Variants in MTAP observed in about 807,000 individuals in gnomAD.
The protein encoded by MTAP is methylthioadenosine phosphorylase.
A neutral mutation model predicts 33.6 loss-of-function variants in MTAP; 33 were observed. The ratio of observed to expected loss-of-function variants is 0.98; its 90% CI spans 0.74 to 1.31. The LOEUF (loss-of-function observed/expected upper bound fraction) is 1.31, where lower values mean the gene tolerates loss of function less well. Ranked by LOEUF, MTAP falls within the 40% of genes most tolerant of loss-of-function variation. The probability of loss-of-function intolerance (pLI) is 0.00; values close to 1 mark genes in which losing one functional copy is unlikely to be tolerated. For missense variants in MTAP, 367 were observed against 360.0 expected, an observed-to-expected ratio of 1.02 and a Z score of -0.16; for synonymous variants, 148 against 125.7, an observed-to-expected ratio of 1.18 and a Z score of -1.19.
At chr9:21,932,976 T>A (rs970894059), downstream of MTAP, 27 of 152,338 alleles carry the variant, frequency 1.8e-4, no homozygotes, top group African/African-American at 6.5e-4. Flanking sequence ...AAAAATGCCT[T>A]ATGAAATTAG....
chr9:21,883,570 GAC>G (rs1818052474), intron 1 of MTAP, among the ~76,000 whole-genome samples: 8 of 151,916 alleles, frequency 5.3e-5, no homozygotes, highest in Non-Finnish European at 1.2e-4. Context: ...TTTAATATCA[GAC>G]TTAATACCTA....
At position 21,864,430 on chromosome 9, in the gene MTAP, G is replaced by C. The variant is rs145096878; in HGVS notation, c.*2416G>C. The C allele has an allele frequency of 1.0e-6, 1 of 985,266 alleles. No individual in the cohort carries two copies. Among genetic ancestry groups the C allele is most frequent in the Non-Finnish European group, 1.2e-6 (1 of 829,940 alleles). The allele number at this position is 985,266 out of a possible 1,614,324, so 61.0% of individuals were successfully genotyped here. ...AGCATTTTGGTTTCCGCAAAGGATG[G>C]ATGGTGAGCATCATGGGAAAGCTGT... On this transcript the variant is annotated 3_prime_UTR_variant, in exon 8 of 8. Transcript: ENST00000644715.
At chr9:21,831,314 A>C (rs190960183) in intron 4 of MTAP, among the ~76,000 whole-genome samples, 1 of 152,100 alleles carries the variant, frequency 6.6e-6, no homozygotes, top group East Asian at 1.9e-4. Flanking sequence ...TCTATAAACT[A>C]TTTGAAAAGA....
intron 4 of MTAP, 100 bp from the exon 5 acceptor site, chr9:21,837,808 C>A: frequency 1.1e-6 from 1 of 877,786 alleles, no homozygotes; most frequent in Non-Finnish European, 1.8e-6. Context: ...AGTAAAGACC[C>A]AAATATTGAC....
rs1420685236 is a variant in MTAP at position 21,854,837 on chromosome 9, A to G, written c.657A>G (p.Thr219=). Residue 219 remains threonine, a synonymous_variant, in exon 6 of 8, where the codon ACA becomes ACG. Coordinates refer to ENST00000644715, the MANE Select transcript of MTAP (RefSeq NM_002451.4). Reference sequence around the variant, plus strand: ...GTTACGCAAGTATCGCCATGGCGACAGATTATGACTGCTGGAAGGAGCACG... The same window carrying G: ...GTTACGCAAGTATCGCCATGGCGACGGATTATGACTGCTGGAAGGAGCACG... ...GICYASIAMA[T]DYDCWKEHEE... The G allele has an allele frequency of 5.0e-6, 8 of 1,614,060 alleles. No homozygotes were observed. Among genetic ancestry groups the G allele is most frequent in the Non-Finnish European group, 6.8e-6 (8 of 1,180,006 alleles).
chr9:21,912,640 A>G (rs1028680433), intron 1 of MTAP, among the ~76,000 whole-genome samples: 13 of 152,224 alleles, frequency 8.5e-5, no homozygotes, highest in Admixed American at 8.5e-4. Context: ...TCTCAAAATA[A>G]TAAGAGCTAT....
intron 4 of MTAP, among the ~76,000 whole-genome samples, chr9:21,825,037 C>T (rs922528656): frequency 2.0e-5 from 3 of 152,164 alleles, no homozygotes; most frequent in Admixed American, 1.3e-4. Context: ...TTCCTTGACC[C>T]CTTACGCTTC....
At chr9:21,816,590 C>A in intron 2 of MTAP, 124 bp from the exon 3 acceptor site, 1 of 742,606 alleles carries the variant, frequency 1.3e-6, no homozygotes, top group Admixed American at 2.6e-5. Context: ...CAGATCTTGC[C>A]TCTTCTCTAA....
intron 5 of MTAP, among the ~76,000 whole-genome samples, chr9:21,839,636 C>A (rs1825194432): frequency 6.6e-6 from 1 of 152,126 alleles, no homozygotes; most frequent in African/African-American, 2.4e-5. Context: ...GCAAAATAAG[C>A]ATTCAGAAAG....
chr9:21,802,909 T>C, intron 1 of MTAP, 128 bp downstream of exon 1: 1 of 1,454,012 alleles, frequency 6.9e-7, no homozygotes, highest in Non-Finnish European at 9.0e-7. Context: ...GGGGAGGGAC[T>C]GGGGCGCGGC....
intron 4 of MTAP, among the ~76,000 whole-genome samples, chr9:21,825,713 C>G (rs1004823817): frequency 6.6e-6 from 1 of 152,170 alleles, no homozygotes; most frequent in African/African-American, 2.4e-5. Flanking sequence ...TGTTGATATA[C>G]AGCCATTGTC....
intron 1 of MTAP, among the ~76,000 whole-genome samples, chr9:21,925,866 TATGTCTTCA>T: frequency 6.6e-6 from 1 of 152,266 alleles, no homozygotes; most frequent in South Asian, 2.1e-4. Context: ...TCTTGGTGCT[TATGTCTTCA>T]TGGGCAATTA....
intron 1 of MTAP, chr9:21,803,036 A>ACACCCC (rs1020757334): frequency 9.6e-7 from 1 of 1,039,824 alleles, no homozygotes; most frequent in Non-Finnish European, 1.3e-6. Flanking sequence ...ACACACACAC[A>ACACCCC]CCACCTTTTG....
Position 21,863,045 on chromosome 9 carries a change from AAAG to A in MTAP, c.*1036_*1038del. On this transcript the variant is annotated 3_prime_UTR_variant, in exon 8 of 8. Transcript: ENST00000644715. ...AAGGGAGTTACATCTTTATTCTGCTAAAGAAGAGGATCATTGATTTCTGTACAG... is the reference window on the plus strand; with the variant it reads ...AAGGGAGTTACATCTTTATTCTGCTAAAGAGGATCATTGATTTCTGTACAG... The A allele has an allele frequency of 2.0e-6, 2 of 985,456 alleles. No homozygotes were observed. The highest frequency in any genetic ancestry group is 5.2e-4 in the Middle Eastern group (1 of 1,914). 61.0% of individuals were successfully genotyped at this position (985,456 alleles called of 1,614,324 possible).
chr9:21,806,055 A>G (rs1038498218), intron 1 of MTAP, among the ~76,000 whole-genome samples: 4 of 152,164 alleles, frequency 2.6e-5, no homozygotes, highest in Non-Finnish European at 5.9e-5. Flanking sequence ...CGCGATCAAG[A>G]ATTTTGATTT....
intron 1 of MTAP, among the ~76,000 whole-genome samples, chr9:21,894,225 A>AC (rs905173866): frequency 2.0e-5 from 3 of 151,612 alleles, no homozygotes; most frequent in Non-Finnish European, 4.4e-5. Flanking sequence ...AAAAAAAAAA[A>AC]AAAAACTAGG....
chr9:21,874,017 TC>T (rs548429131), intron 1 of MTAP, among the ~76,000 whole-genome samples: 135 of 152,294 alleles, frequency 8.9e-4, no homozygotes, highest in African/African-American at 3.1e-3. Flanking sequence ...TCTTAAAAAC[TC>T]CACACATCGG....
intron 1 of MTAP, among the ~76,000 whole-genome samples, chr9:21,899,651 AC>A (rs138629303): frequency 0.051 from 7,832 of 152,098 alleles, 608 homozygotes; most frequent in African/African-American, 0.17. Context: ...TGCTTATAAA[AC>A]CATCAGATCT....
At position 21,879,854 on chromosome 9, in the gene MTAP, A is replaced by G. The variant is rs1817977542; in HGVS notation, c.147+24984A>G. ...TTTTTTTTCTTCATGAATGTTGAATATAGGCCCCCAATCCCTTCTGGCTTG... is the reference window on the plus strand; with the variant it reads ...TTTTTTTTCTTCATGAATGTTGAATGTAGGCCCCCAATCCCTTCTGGCTTG... On this transcript the variant is annotated intron_variant, in intron 1 of 1. Coordinates refer to the MTAP transcript ENST00000577563. Among the ~76,000 whole-genome samples the G allele has an allele frequency of 2.0e-5, 3 of 152,216 alleles. No individual in the cohort carries two copies. In the South Asian group the frequency reaches 6.2e-4, roughly 32 times the overall value.
Sources: gnomAD v4.1 joint callset for allele counts (sites outside exome capture counted in the v4.1 genomes callset) on GRCh38, gnomAD v4.1.1 for gene constraint, MANE v1.5 for transcripts, NCBI Gene and HGNC (gene_info 2026-07-23, HGNC 2026-07-21) for gene names.